BMS1: variants seen among roughly 807,000 people sequenced by gnomAD.
BMS1 encodes the protein ribosome biogenesis protein BMS1 homolog.
In BMS1, 53 loss-of-function variants were observed where a neutral mutation model predicts 138.7. The observed-to-expected ratio is 0.38, with a 90% CI of 0.31 to 0.48. The LOEUF is 0.48. Ranked by LOEUF, BMS1 falls within the 20% of genes least tolerant of loss-of-function variation. The pLI is 0.97. For missense variants in BMS1, 1,360 were observed against 1,565.5 expected (o/e 0.87, Z 2.22); for synonymous variants, 504 against 539.9 (o/e 0.93, Z 0.92).
intron 3 of BMS1, among the ~76,000 whole-genome samples, chr10:42,786,934 T>C (rs1443425481): frequency 6.6e-6 from 1 of 152,214 alleles, no homozygotes; most frequent in African/African-American, 2.4e-5. Context: ...TTTGAGCACT[T>C]TTATTCATCT....
At chr10:42,826,917 A>G (rs1842663040) in intron 21 of BMS1, among the ~76,000 whole-genome samples, 1 of 152,156 alleles carries the variant, frequency 6.6e-6, no homozygotes, top group South Asian at 2.1e-4. Flanking sequence ...GGGGAGGGGC[A>G]CGGCAGCGTG....
At chr10:42,787,765 C>G (rs1288831972) in intron 4 of BMS1, among the ~76,000 whole-genome samples, 1 of 152,100 alleles carries the variant, frequency 6.6e-6, no homozygotes, top group Non-Finnish European at 1.5e-5. Context: ...AACCTTCATC[C>G]TTAATGATAA....
At chr10:42,802,058 G>GT in intron 12 of BMS1, 79 bp from the exon 13 acceptor site, 1 of 1,083,036 alleles carries the variant, frequency 9.2e-7, no homozygotes, top group African/African-American at 1.6e-5. Flanking sequence ...AAGGCAAGTT[G>GT]TCACCTACTG....
rs961167226 is a variant in BMS1, at chr10:42,799,329, C to T, written c.2247+704C>T. Among the ~76,000 whole-genome samples the T allele has an allele frequency of 6.6e-5, 10 of 152,330 alleles. No homozygotes were observed. The South Asian group carries it at 1.7e-3, about 25-fold the overall frequency. On this transcript the variant is annotated intron_variant, in intron 12 of 22. Coordinates refer to ENST00000374518, the MANE Select transcript of BMS1 (RefSeq NM_014753.4). ...TTCACCATGTTGAGCTAGTTTCGAA[C>T]TCTGGGTTCGAATGATCTTCCTGCC...
Position 42,796,645 on chromosome 10 carries a change from G to A in BMS1, c.1401G>A (p.Glu467=). 1 of 1,614,190 alleles carries A rather than the reference G, an allele frequency of 6.2e-7. No homozygotes were observed. The highest frequency in any genetic ancestry group is 8.5e-7 in the Non-Finnish European group (1 of 1,180,040). ...ENGSSDEEAE[E]EENAEMTDQY... ...GCTCTAGTGATGAGGAAGCAGAAGA[G>A]GAGGAAAATGCTGAGATGACTGATC... The change falls in exon 10 of 23, where the codon GAG becomes GAA. Residue 467 remains glutamate, a synonymous_variant. Coordinates refer to ENST00000374518, the MANE Select transcript of BMS1 (RefSeq NM_014753.4).
At position 42,794,011 on chromosome 10, in the gene BMS1, A is replaced by G. The variant is rs1841595518; in HGVS notation, c.1229+20A>G. 2 of 1,609,284 alleles carry G rather than the reference A, an allele frequency of 1.2e-6. No individual in the cohort carries two copies. Among genetic ancestry groups the G allele is most frequent in the African/African-American group, 1.3e-5 (1 of 74,710 alleles). On this transcript the variant is annotated intron_variant, in intron 9 of 22. Coordinates refer to ENST00000374518, the MANE Select transcript of BMS1 (RefSeq NM_014753.4). ...TCAAGGGTAAGTCTGCTTTTTTTCT[A>G]TTTTTAATAAAAAGATGTATTACAA...
In BMS1 at chr10:42,797,382, A is replaced by G. The variant is rs17344904; in HGVS notation, c.1988-40A>G. 130,229 of 1,607,270 alleles carry G rather than the reference A, an allele frequency of 0.081. 6,012 individuals are homozygous for G. The highest frequency in any genetic ancestry group is 0.092 in the Non-Finnish European group (108,296 of 1,174,564). On this transcript the variant is annotated intron_variant, in intron 10 of 22. Transcript: ENST00000374518. ...ATGGATCTCAAGGGAGGGGAGACAC[A>G]TGAATAAGCCTAACTGGAGGTTGGC...
chr10:42,825,510 CCTT>C (rs78212540), intron 21 of BMS1, among the ~76,000 whole-genome samples: 13,980 of 152,232 alleles, frequency 0.092, 745 homozygotes, highest in African/African-American at 0.12. Context: ...ACATCTCTCA[CCTT>C]CTTGGTTAAG....
In BMS1 at chr10:42,830,326, G is replaced by C. The variant is rs777066214; in HGVS notation, c.3522G>C (p.Leu1174=). 3 of 1,613,912 alleles carry C rather than the reference G, an allele frequency of 1.9e-6. No homozygotes were observed. The African/African-American group carries it at 4.0e-5, about 22-fold the overall frequency. ...TTCCAAAAGCCTTGCAGAAGGCCCT[G>C]CCATTTAAGAACAAGCCCAAGACCC... ...LHIPKALQKA[L]PFKNKPKTQA... is the part of the protein sequence containing the mutation. Residue 1174 remains leucine (L), a synonymous_variant, in exon 22 of 23, where the codon CTG becomes CTC. Transcript: ENST00000374518.
chr10:42,830,216 T>G, intron 21 of BMS1, 45 bp from the exon 22 acceptor site: 2 of 1,594,990 alleles, frequency 1.3e-6, no homozygotes, highest in Non-Finnish European at 1.7e-6. Flanking sequence ...TAAATGCACA[T>G]TGATCATAAT....
chr10:42,806,166 C>A (rs1416976548), intron 13 of BMS1, among the ~76,000 whole-genome samples: 1 of 152,152 alleles, frequency 6.6e-6, no homozygotes, highest in Admixed American at 6.5e-5. Flanking sequence ...ACAATAAAGC[C>A]TGGGCTTCCA....
chr10:42,831,865 T>C lies in BMS1; in HGVS notation c.*769T>C, dbSNP rs1232824214. The C allele has an allele frequency of 6.6e-6, 1 of 152,170 alleles. No homozygotes were observed. The highest frequency in any genetic ancestry group is 1.5e-5 in the Non-Finnish European group (1 of 68,028). 9.4% of individuals were successfully genotyped at this position (152,170 alleles called of 1,614,324 possible). A position where few individuals can be genotyped will look rare whatever the true frequency, so the allele number is the denominator to read the frequency against. The stretch of plus-strand genomic sequence containing the variant: ...ACATTGCCTTTTTTTAAATTAAACA[T>C]TATGTTGAAGTAATCATACTATTAC... On this transcript the variant is annotated 3_prime_UTR_variant, in exon 23 of 23. Transcript: ENST00000374518.
intron 13 of BMS1, among the ~76,000 whole-genome samples, 156 bp downstream of exon 13, chr10:42,802,374 C>T (rs1384512138): frequency 6.6e-6 from 1 of 152,110 alleles, no homozygotes; most frequent in African/African-American, 2.4e-5. Flanking sequence ...TCTGGGTTTT[C>T]CTTTTATGAT....
intron 13 of BMS1, among the ~76,000 whole-genome samples, chr10:42,813,469 G>A (rs1842247960): frequency 6.6e-6 from 1 of 152,074 alleles, no homozygotes; most frequent in Non-Finnish European, 1.5e-5. Context: ...GTAGTCTACT[G>A]GTACCAGTAT....
rs1224261028 is a variant in BMS1, at chr10:42,832,437, TTATACA to T, written c.*1346_*1351del. 28 of 151,766 alleles carry T rather than the reference TTATACA, an allele frequency of 1.8e-4. No individual in the cohort carries two copies. Among genetic ancestry groups the T allele is most frequent in the African/African-American group, 5.8e-4 (24 of 41,308 alleles). 9.4% of individuals were successfully genotyped at this position (151,766 alleles called of 1,614,324 possible). On this transcript the variant is annotated 3_prime_UTR_variant, in exon 23 of 23. Coordinates refer to ENST00000374518, the MANE Select transcript of BMS1 (RefSeq NM_014753.4). ...AAGACCCTGTTTCAAAAAAAAAAAATTATACATATATGTATGTAGAACACTTCATGA... is the reference window on the plus strand; with the variant it reads ...AAGACCCTGTTTCAAAAAAAAAAAATTATATGTATGTAGAACACTTCATGA...
At chr10:42,811,673 C>T (rs939510730) in intron 13 of BMS1, among the ~76,000 whole-genome samples, 8 of 149,538 alleles carry the variant, frequency 5.3e-5, no homozygotes, top group Non-Finnish European at 8.9e-5. Flanking sequence ...TACAGGCGCC[C>T]GCCACTACGC....
chr10:42,829,992 AG>A (rs1842755635), intron 21 of BMS1, among the ~76,000 whole-genome samples: 1 of 152,194 alleles, frequency 6.6e-6, no homozygotes, highest in Non-Finnish European at 1.5e-5. Flanking sequence ...GAGACCCCAT[AG>A]TTCCATACCA....
At chr10:42,791,809 A>AT in intron 6 of BMS1, 40 bp downstream of exon 6, 1 of 1,569,726 alleles carries the variant, frequency 6.4e-7, no homozygotes. Context: ...TGGGCCATAT[A>AT]TTTCAAAGCT....
chr10:42,786,572 A>G (rs2132292828), intron 3 of BMS1, among the ~76,000 whole-genome samples: 1 of 150,196 alleles, frequency 6.7e-6, no homozygotes, highest in South Asian at 2.1e-4. Flanking sequence ...ACGCCTGGCT[A>G]ATTTTTCTTT....
Sources: allele counts gnomAD v4.1 joint callset (sites outside exome capture counted in the v4.1 genomes callset), GRCh38; gene constraint gnomAD v4.1.1; transcripts MANE v1.5; gene names NCBI Gene and HGNC (gene_info 2026-07-23, HGNC 2026-07-21).